The following TBXA2R variants were observed in gnomAD, a reference collection of about 807,000 sequenced individuals.
TBXA2R encodes prostanoid TP receptor.
Under a neutral mutation model 15.6 loss-of-function variants are expected in TBXA2R, and 15 were observed. That is an observed-to-expected ratio of 0.96 (90% CI 0.64 to 1.48). The LOEUF is 1.48. Ranked by LOEUF, TBXA2R falls within the 40% of genes most tolerant of loss-of-function variation. The pLI, the probability that TBXA2R is intolerant of heterozygous loss-of-function variation, is 0.00. For synonymous variants in TBXA2R, 280 were observed against 241.2 expected (o/e 1.16, Z -1.49); for missense variants, 506 against 491.4 (o/e 1.03, Z -0.28).
intron 1 of TBXA2R, among the ~76,000 whole-genome samples, chr19:3,605,417 C>T (rs1412496862): frequency 2.0e-5 from 3 of 151,878 alleles, no homozygotes; most frequent in African/African-American, 4.8e-5. Flanking sequence ...GACAGAAACA[C>T]AGCAGGCAGA....
chr19:3,599,086 T>C (rs1250789613), intron 2 of TBXA2R, among the ~76,000 whole-genome samples: 2 of 152,192 alleles, frequency 1.3e-5, no homozygotes. Context: ...CATCTATCCA[T>C]CAGTAGTTTT....
intron 1 of TBXA2R, among the ~76,000 whole-genome samples, chr19:3,603,920 C>T (rs563023340): frequency 1.3e-5 from 2 of 152,232 alleles, no homozygotes; most frequent in African/African-American, 4.8e-5. Flanking sequence ...GGGGCCCCCA[C>T]GCGGTGGGGC....
At chr19:3,598,876 G>A (rs976507991) in intron 2 of TBXA2R, among the ~76,000 whole-genome samples, 1 of 152,010 alleles carries the variant, frequency 6.6e-6, no homozygotes, top group Non-Finnish European at 1.5e-5. Flanking sequence ...CACCATGTTG[G>A]CCAGCATGGT....
Position 3,600,136 on chromosome 19 carries a change from G to C in TBXA2R, c.499C>G (p.Pro167Ala). 1 of 1,610,258 alleles carries C rather than the reference G, an allele frequency of 6.2e-7. No individual in the cohort carries two copies. Among genetic ancestry groups the C allele is most frequent in the Non-Finnish European group, 8.5e-7 (1 of 1,178,898 alleles). Residue 167 changes from proline (P) to alanine (A), a missense_variant, in exon 2 of 3, where the codon CCC (proline) becomes GCC (alanine). By Grantham distance (27) the Pro-to-Ala change is conservative. Transcript: ENST00000375190. ...WAAALALGLL[P>A]LLGVGRYTVQ... The stretch of plus-strand genomic sequence containing the variant: ...GTGTAGCGACCCACGCCCAGCAGGG[G>C]CAGCAGGCCCAGCGCCAGCGCGGCC...
At chr19:3,605,858 A>C (rs917325227) in intron 1 of TBXA2R, among the ~76,000 whole-genome samples, 1 of 29,286 alleles carries the variant, frequency 3.4e-5, no homozygotes, top group African/African-American at 1.1e-4. Flanking sequence ...AACACAACAG[A>C]CACACAGCCA....
At chr19:3,605,958 A>G (rs1159042151) in intron 1 of TBXA2R, among the ~76,000 whole-genome samples, 1 of 150,688 alleles carries the variant, frequency 6.6e-6, no homozygotes, top group East Asian at 1.9e-4. Context: ...ACAGACACAG[A>G]CAGAAAAACA....
rs745841580 is a variant in TBXA2R at position 3,600,293 on chromosome 19, G to A, written c.342C>T (p.Phe114=). Residue 114 remains phenylalanine, a synonymous_variant, in exon 2 of 3, where the codon TTC becomes TTT. Coordinates refer to ENST00000375190, the MANE Select transcript of TBXA2R (RefSeq NM_001060.6). The part of the protein sequence containing the change: ...LCRFMGVVMI[F]FGLSPLLLGA... ...CCAGCAGCAGCGGGGACAGGCCGAA[G>A]AAGATCATGACGACGCCCATGAAGC... 3 of 1,612,888 alleles carry A rather than the reference G, an allele frequency of 1.9e-6. No individual in the cohort carries two copies. The highest frequency in any genetic ancestry group is 1.7e-5 in the Admixed American group (1 of 60,014).
Position 3,594,727 on chromosome 19 carries a change from G to T in TBXA2R, c.*961C>A. The T allele has an allele frequency of 1.1e-6, 1 of 942,558 alleles. No homozygotes were observed. Among genetic ancestry groups the T allele is most frequent in the Non-Finnish European group, 1.6e-6 (1 of 643,530 alleles). The allele number at this position is 942,558 out of a possible 1,614,324, so 58.4% of individuals were successfully genotyped here. On this transcript the variant is annotated 3_prime_UTR_variant, in exon 3 of 3. Coordinates refer to ENST00000375190, the MANE Select transcript of TBXA2R (RefSeq NM_001060.6). Reference sequence around the variant, plus strand: ...AGCCCTGCCCTCGTCTGCTCCGGGTGAGGCCCAATGCACAAACTCCAGAGA... The same window carrying T: ...AGCCCTGCCCTCGTCTGCTCCGGGTTAGGCCCAATGCACAAACTCCAGAGA...
Position 3,595,892 on chromosome 19 carries a change from C to T in TBXA2R, c.828G>A (p.Met276Ile), listed in dbSNP as rs1303362998. ...AQTVLRNPPA[M>I]SPAGQLSRTT... The stretch of plus-strand genomic sequence containing the variant: ...TGCGGGACAGCTGCCCGGCGGGGCT[C>T]ATGGCAGGCGGGTTTCGCAGCACTG... The change falls in exon 3 of 3, where the codon ATG (methionine) becomes ATA (isoleucine). Residue 276 changes from methionine to isoleucine, a missense_variant. Physicochemically the swap from Met to Ile is conservative, Grantham distance 10 (BLOSUM62 1). Coordinates refer to ENST00000375190, the MANE Select transcript of TBXA2R (RefSeq NM_001060.6). The T allele has an allele frequency of 1.2e-6, 2 of 1,607,536 alleles. No homozygotes were observed. The highest frequency in any genetic ancestry group is 1.7e-6 in the Non-Finnish European group (2 of 1,177,680).
In TBXA2R at chr19:3,595,675, C is replaced by G. The variant is rs1280523543; in HGVS notation, c.*13G>C. 5.7e-6 allele frequency: 9 copies of G among 1,570,420 alleles called. No individual in the cohort carries two copies. The highest frequency in any genetic ancestry group is 2.3e-5 in the East Asian group (1 of 43,398). ...TCCGCGGAAAGGCGCGGGAGGGGCG[C>G]TCTGTCCACTTCCTACTGCAGCCCG... On this transcript the variant is annotated 3_prime_UTR_variant, in exon 3 of 3. Coordinates refer to ENST00000375190, the MANE Select transcript of TBXA2R (RefSeq NM_001060.6).
At chr19:3,604,455 C>T (rs1351828408) in intron 1 of TBXA2R, among the ~76,000 whole-genome samples, 3 of 152,118 alleles carry the variant, frequency 2.0e-5, no homozygotes, top group Non-Finnish European at 2.9e-5. Flanking sequence ...GCCTCTCCTC[C>T]GCCCCATGTT....
rs866102549 is a variant in TBXA2R, at chr19:3,600,842, T to G, written c.-83-125A>C. ...TCCTCTCCGGTTTTTTTTTTTTTTT[T>G]TTTTGAGACAGAGTCTTGCTCTGTC... On this transcript the variant is annotated intron_variant, in intron 1 of 2. Coordinates refer to ENST00000375190, the MANE Select transcript of TBXA2R (RefSeq NM_001060.6). The G allele has an allele frequency of 7.1e-4, 433 of 611,818 alleles. 4 individuals carry two copies. The African/African-American group carries it at 7.7e-3, about 11-fold the overall frequency. 37.9% of individuals were successfully genotyped at this position (611,818 alleles called of 1,614,324 possible).
rs541958912 is a variant in TBXA2R at position 3,604,358 on chromosome 19, C to T, written c.-84+2172G>A. On this transcript the variant is annotated intron_variant, in intron 1 of 2. Coordinates refer to ENST00000375190, the MANE Select transcript of TBXA2R (RefSeq NM_001060.6). ...CTGTCCGGCGCTGTTTCCAGAGGCC[C>T]GGGCGCTGGGCTGGGCGTGGGCACC... is the stretch of plus-strand genomic sequence containing the variant. Among the ~76,000 whole-genome samples the T allele has an allele frequency of 2.4e-3, 364 of 152,290 alleles. 2 individuals carry two copies. The highest frequency in any genetic ancestry group is 8.2e-3 in the African/African-American group (340 of 41,550).
Position 3,600,650 on chromosome 19 carries a change from A to G in TBXA2R, c.-16T>C, listed in dbSNP as rs745513921. 6.2e-7 allele frequency: 1 copy of G among 1,610,772 alleles called. No individual in the cohort carries two copies. Among genetic ancestry groups the G allele is most frequent in the South Asian group, 1.1e-5 (1 of 90,732 alleles). ...TGGGCCACATGGCTCCGGAGCCCTG[A>G]GGGATCAGTCACCACCCCATCAGGC... On this transcript the variant is annotated 5_prime_UTR_variant, in exon 2 of 3. Coordinates refer to ENST00000375190, the MANE Select transcript of TBXA2R (RefSeq NM_001060.6).
intron 1 of TBXA2R, among the ~76,000 whole-genome samples, chr19:3,602,984 T>C (rs566652436): frequency 2.7e-5 from 4 of 149,942 alleles, no homozygotes; most frequent in South Asian, 2.1e-4. Flanking sequence ...TGCAGTGAGC[T>C]GAGATCGCGC....
At chr19:3,598,974 G>GT (rs1476844475) in intron 2 of TBXA2R, among the ~76,000 whole-genome samples, 4 of 152,016 alleles carry the variant, frequency 2.6e-5, no homozygotes, top group Admixed American at 1.3e-4. Flanking sequence ...GGCCTGTTTT[G>GT]TTTTTTACTA....
In TBXA2R at chr19:3,599,906, C is replaced by T. The variant is rs201798582; in HGVS notation, c.729G>A (p.Met243Ile). 16 of 1,549,642 alleles carry T rather than the reference C, an allele frequency of 1.0e-5. No individual in the cohort carries two copies. The African/African-American group carries it at 2.1e-4, about 20-fold the overall frequency. The stretch of plus-strand genomic sequence containing the variant: ...CCATGATCCCCAGGAGCTGAGCCAT[C>T]ATCTCCACCTCGGAGTCCCGGGGAC... ...QQRPRDSEVE[M>I]MAQLLGIMVV... Residue 243 changes from methionine to isoleucine, a missense_variant, in exon 2 of 3, where the codon ATG becomes ATA. By Grantham distance (10) the Met-to-Ile change is conservative. Coordinates refer to ENST00000375190, the MANE Select transcript of TBXA2R (RefSeq NM_001060.6).
intron 1 of TBXA2R, among the ~76,000 whole-genome samples, chr19:3,601,017 G>T (rs1384490756): frequency 2.6e-5 from 4 of 151,482 alleles, no homozygotes; most frequent in Non-Finnish European, 5.9e-5. Context: ...GCCTCCCAAA[G>T]TGCTGGGATT....
In TBXA2R at chr19:3,594,672, GA is replaced by G. The variant is rs2032559262; in HGVS notation, c.*1015del. On this transcript the variant is annotated 3_prime_UTR_variant, in exon 3 of 3. Transcript: ENST00000375190. ...CAAGAAACAAGGTGGGGGAGGAACC[GA>G]ATCCTCTATGTCCCTCCCCATCCTT... is the stretch of plus-strand genomic sequence containing the variant. The G allele has an allele frequency of 5.2e-6, 3 of 572,790 alleles. No individual in the cohort carries two copies. Among genetic ancestry groups the G allele is most frequent in the Admixed American group, 6.3e-5 (2 of 31,952 alleles). 35.5% of individuals were successfully genotyped at this position (572,790 alleles called of 1,614,324 possible). A position where few individuals can be genotyped will look rare whatever the true frequency, so the allele number is the denominator to read the frequency against.
Sources: gnomAD v4.1 joint callset for allele counts (sites outside exome capture counted in the v4.1 genomes callset) on GRCh38, gnomAD v4.1.1 for gene constraint, MANE v1.5 for transcripts, NCBI Gene and HGNC (gene_info 2026-07-23, HGNC 2026-07-21) for gene names.